The following TRHDE variants were observed in gnomAD, a reference collection of about 807,000 sequenced individuals.
TRHDE encodes the protein thyrotropin releasing hormone degrading enzyme, also known as thyrotropin-releasing hormone-degrading ectoenzyme.
TRHDE carries 72 observed loss-of-function variants against 125.7 expected under a neutral mutation model. The ratio of observed to expected loss-of-function variants is 0.57; its 90% CI spans 0.47 to 0.70. The LOEUF (loss-of-function observed/expected upper bound fraction) is 0.70. TRHDE is among the 30% of genes least tolerant of loss of function. The pLI is 0.00. For synonymous variants in TRHDE, 509 were observed against 509.1 expected, an observed-to-expected ratio of 1.00 and a Z score of 0.00; for missense variants, 1,110 against 1,327.1, an observed-to-expected ratio of 0.84 and a Z score of 2.54.
At chr12:72,341,249 C>G (rs1034589333) in intron 2 of TRHDE, among the ~76,000 whole-genome samples, 1 of 151,880 alleles carries the variant, frequency 6.6e-6, no homozygotes, top group Non-Finnish European at 1.5e-5. Flanking sequence ...TCATCATTTA[C>G]ATTAGGTATT....
chr12:72,220,678 TTTC>T (rs1299418806), intron 2 of TRHDE, among the ~76,000 whole-genome samples: 1 of 152,130 alleles, frequency 6.6e-6, no homozygotes, highest in East Asian at 1.9e-4. Context: ...TTATTTCTTC[TTTC>T]TTCTTATATA....
intron 7 of TRHDE, among the ~76,000 whole-genome samples, chr12:72,552,130 C>T (rs545597793): frequency 5.9e-5 from 9 of 152,166 alleles, no homozygotes; most frequent in South Asian, 2.1e-4. Flanking sequence ...CTGTATTAAA[C>T]GGTTTTAAAC....
At chr12:72,088,979 G>A (rs1874730035) in intron 1 of TRHDE, among the ~76,000 whole-genome samples, 1 of 152,034 alleles carries the variant, frequency 6.6e-6, no homozygotes, top group African/African-American at 2.4e-5. Context: ...CATTTGGATG[G>A]CTATTAGATA....
intron 7 of TRHDE, among the ~76,000 whole-genome samples, chr12:72,542,755 C>T (rs552826444): frequency 1.7e-4 from 26 of 151,130 alleles, no homozygotes; most frequent in African/African-American, 6.0e-4. Flanking sequence ...TTCAAATATG[C>T]GCCTTTTAGG....
intron 6 of TRHDE, among the ~76,000 whole-genome samples, chr12:72,516,195 C>A (rs886149577): frequency 6.6e-6 from 1 of 151,248 alleles, no homozygotes; most frequent in African/African-American, 2.4e-5. Flanking sequence ...TCATTGGTAG[C>A]TTGATGGGGA....
chr12:72,191,403 C>T (rs1877336728), intron 2 of TRHDE, among the ~76,000 whole-genome samples: 1 of 152,146 alleles, frequency 6.6e-6, no homozygotes, highest in Admixed American at 6.5e-5. Context: ...TTCCACAGCC[C>T]TTCTAAAGAC....
chr12:72,467,817 AC>A (rs1876456984), intron 3 of TRHDE, among the ~76,000 whole-genome samples: 1 of 152,256 alleles, frequency 6.6e-6, no homozygotes, highest in East Asian at 1.9e-4. Context: ...TCCATCTCAA[AC>A]AAACAAAAAC....
chr12:72,425,295 C>A (rs1457423967), intron 3 of TRHDE, among the ~76,000 whole-genome samples: 1 of 152,122 alleles, frequency 6.6e-6, no homozygotes, highest in African/African-American at 2.4e-5. Context: ...ATAGCTAATG[C>A]AACCTGCATA....
chr12:72,661,050 G>A (rs1874897887), intron 18 of TRHDE, among the ~76,000 whole-genome samples: 1 of 152,144 alleles, frequency 6.6e-6, no homozygotes, highest in South Asian at 2.1e-4. Flanking sequence ...TGATGAGTAA[G>A]TTCCTCTTAA....
At chr12:72,466,301 A>G (rs1471080537) in intron 3 of TRHDE, among the ~76,000 whole-genome samples, 2 of 152,150 alleles carry the variant, frequency 1.3e-5, no homozygotes, top group Non-Finnish European at 2.9e-5. Context: ...AGCCAATCCA[A>G]ATCCCAATGT....
intron 2 of TRHDE, chr12:72,306,613 T>A (rs911731816): frequency 6.6e-6 from 1 of 152,194 alleles, no homozygotes; most frequent in African/African-American, 2.4e-5. Context: ...TTCAGTCATG[T>A]AATGATGTTC....
intron 2 of TRHDE, among the ~76,000 whole-genome samples, chr12:72,349,271 A>G (rs1278704162): frequency 5.9e-5 from 9 of 152,098 alleles, no homozygotes; most frequent in Non-Finnish European, 1.3e-4. Flanking sequence ...CATCATAGAA[A>G]TACATGGTTT....
chr12:72,443,554 T>C (rs1360414441), intron 3 of TRHDE, among the ~76,000 whole-genome samples: 2 of 151,790 alleles, frequency 1.3e-5, no homozygotes, highest in Non-Finnish European at 2.9e-5. Flanking sequence ...AGTAAACTGG[T>C]TAAAAATAAG....
chr12:72,136,544 A>G (rs955402933), intron 2 of TRHDE, among the ~76,000 whole-genome samples: 1 of 152,234 alleles, frequency 6.6e-6, no homozygotes, highest in African/African-American at 2.4e-5. Context: ...TGCCCAGCAT[A>G]TGGCTAATTA....
chr12:72,237,240 T>C (rs143299491), intron 2 of TRHDE, among the ~76,000 whole-genome samples: 136 of 152,322 alleles, frequency 8.9e-4, no homozygotes, highest in African/African-American at 3.2e-3. Flanking sequence ...TGAAAATGTA[T>C]ATCATTATTT....
chr12:72,127,314 G>T (rs1296001042), intron 2 of TRHDE, among the ~76,000 whole-genome samples: 25 of 152,050 alleles, frequency 1.6e-4, no homozygotes, highest in Non-Finnish European at 2.9e-5. Context: ...ACAACCATTT[G>T]GCTCAGCAAT....
At chr12:72,468,224 A>C (rs1462630044) in intron 3 of TRHDE, among the ~76,000 whole-genome samples, 3 of 152,150 alleles carry the variant, frequency 2.0e-5, no homozygotes, top group Non-Finnish European at 2.9e-5. Context: ...CTTGTTTTTA[A>C]ATAGTAGATG....
In TRHDE at chr12:72,473,184, A is replaced by C. The variant is rs1388672473; in HGVS notation, c.1584+4A>C. ...CCTCTATCCTGGCTGGAACATGGTA[A>C]GTGCACTTGAATTATTTGAAACTTT... is the stretch of plus-strand genomic sequence containing the variant. On this transcript the variant is annotated splice_donor_region_variant and intron_variant, in intron 5 of 18. Coordinates refer to ENST00000261180, the MANE Select transcript of TRHDE (RefSeq NM_013381.3). 6.2e-7 allele frequency: 1 copy of C among 1,608,464 alleles called. No individual in the cohort carries two copies.
intron 2 of TRHDE, among the ~76,000 whole-genome samples, chr12:72,234,679 T>C (rs1297467610): frequency 1.3e-5 from 2 of 152,072 alleles, no homozygotes. Context: ...TTTGGAGTAG[T>C]AGAGGAGAGA....
Sources: gnomAD v4.1 joint callset for allele counts (sites outside exome capture counted in the v4.1 genomes callset) on GRCh38, gnomAD v4.1.1 for gene constraint, MANE v1.5 for transcripts, NCBI Gene and HGNC (gene_info 2026-07-23, HGNC 2026-07-21) for gene names.